Variants in DCAF6 observed in about 807,000 individuals in gnomAD.
DCAF6 encodes the protein DDB1- and CUL4-associated factor 6.
In DCAF6, 54 loss-of-function variants were observed where a neutral mutation model predicts 125.1. That is an observed-to-expected ratio of 0.43 (90% confidence interval 0.35 to 0.54). The LOEUF is 0.54. DCAF6 is among the 20% of genes least tolerant of loss of function. DCAF6 has a pLI of 0.01. For missense variants in DCAF6, 934 were observed against 1,161.7 expected, an observed-to-expected ratio of 0.80 and a Z score of 2.85; for synonymous variants, 371 against 390.4, an observed-to-expected ratio of 0.95 and a Z score of 0.58.
At chr1:168,075,271 C>A in intron 21 of DCAF6, 100 bp from the exon 22 acceptor site, 1 of 1,112,504 alleles carries the variant, frequency 9.0e-7, no homozygotes, top group Admixed American at 3.0e-5. Context: ...TAGTGGTGAA[C>A]TGATTTTTAA....
chr1:167,893,695 CAAAAAAAAAAA>C, the DCAF6 span, among the ~76,000 whole-genome samples: 2,425 of 70,354 alleles, frequency 0.034, 92 homozygotes, highest in African/African-American at 0.11. Flanking sequence ...GACTCTGTCT[CAAAAAAAAAAA>C]AAAAAAAAAA....
intron 12 of DCAF6, among the ~76,000 whole-genome samples, chr1:168,035,642 A>G (rs1288557140): frequency 1.3e-5 from 2 of 152,218 alleles, no homozygotes; most frequent in African/African-American, 4.8e-5. Context: ...CACAAGGCTG[A>G]TGAATTCATT....
At chr1:167,874,575 C>CAAAATTGCACT in the DCAF6 span, among the ~76,000 whole-genome samples, 2 of 85,866 alleles carry the variant, frequency 2.3e-5, no homozygotes, top group East Asian at 5.4e-4. Flanking sequence ...TATTTGGCAC[C>CAAAATTGCACT]CTTTGTCCCA....
chr1:167,907,730 A>G, the DCAF6 span, among the ~76,000 whole-genome samples: 3 of 152,256 alleles, frequency 2.0e-5, no homozygotes, highest in African/African-American at 7.2e-5. Flanking sequence ...ATTATTTCCT[A>G]TTTTGGAAGA....
At chr1:167,973,436 C>T (rs1026448129) in intron 3 of DCAF6, among the ~76,000 whole-genome samples, 3 of 152,144 alleles carry the variant, frequency 2.0e-5, no homozygotes, top group Non-Finnish European at 4.4e-5. Flanking sequence ...CAGTCTTTCC[C>T]CCAGTGGTTT....
At chr1:167,959,875 TA>T (rs1339587491) in intron 2 of DCAF6, among the ~76,000 whole-genome samples, 1 of 152,170 alleles carries the variant, frequency 6.6e-6, no homozygotes, top group Non-Finnish European at 1.5e-5. Flanking sequence ...AAGTCAGTCT[TA>T]TCAATGATTT....
chr1:167,987,969 A>T (rs1407930663), intron 5 of DCAF6, among the ~76,000 whole-genome samples: 9 of 151,868 alleles, frequency 5.9e-5, no homozygotes, highest in Admixed American at 5.9e-4. Flanking sequence ...TTGACTTATC[A>T]AATAGCAGTT....
the DCAF6 span, among the ~76,000 whole-genome samples, chr1:167,923,432 A>G: frequency 6.6e-6 from 1 of 152,198 alleles, no homozygotes. Context: ...GCTAGGGGAA[A>G]TAAGCCAACT....
intron 8 of DCAF6, 32 bp from the exon 9 acceptor site, chr1:168,003,838 T>G: frequency 1.3e-6 from 2 of 1,568,552 alleles, no homozygotes; most frequent in Middle Eastern, 2.4e-4. Flanking sequence ...GACTTATTAC[T>G]AAACTCACTG....
At chr1:168,070,856 C>T (rs1352133158) in intron 21 of DCAF6, among the ~76,000 whole-genome samples, 1 of 152,124 alleles carries the variant, frequency 6.6e-6, no homozygotes, top group Non-Finnish European at 1.5e-5. Flanking sequence ...TCTCCTTTGC[C>T]CACACATGTT....
intron 12 of DCAF6, among the ~76,000 whole-genome samples, chr1:168,030,550 A>C (rs1435398419): frequency 6.6e-6 from 1 of 152,186 alleles, no homozygotes; most frequent in Non-Finnish European, 1.5e-5. Flanking sequence ...TTCTCCTGGT[A>C]ATAGAGATTT....
rs188749482 is a variant in DCAF6 at position 167,989,283 on chromosome 1, T to G, written c.552+1675T>G. Reference sequence around the variant, plus strand: ...GGTACTAAATTTTGTTATTGCAAACTCTCTTAAACTATTTTAGTGTTTCAG... The same window carrying G: ...GGTACTAAATTTTGTTATTGCAAACGCTCTTAAACTATTTTAGTGTTTCAG... On this transcript the variant is annotated intron_variant, in intron 5 of 21. Transcript: ENST00000367840. 3.0e-4 allele frequency among the ~76,000 whole-genome samples: 46 copies of G among 152,286 alleles called. No individual in the cohort carries two copies. In the East Asian group the frequency reaches 8.9e-3, roughly 29 times the overall value.
At chr1:167,925,470 T>TATATATATACAC in the DCAF6 span, among the ~76,000 whole-genome samples, 1 of 107,788 alleles carries the variant, frequency 9.3e-6, no homozygotes, top group East Asian at 2.7e-4. Context: ...TATATATATA[T>TATATATATACAC]ATATACATAT....
At chr1:168,048,855 C>A (rs1014404800) in intron 16 of DCAF6, among the ~76,000 whole-genome samples, 2 of 152,148 alleles carry the variant, frequency 1.3e-5, no homozygotes, top group Non-Finnish European at 1.5e-5. Flanking sequence ...AGGTTCATTT[C>A]AAAAATCGGC....
chr1:167,868,416 A>T, the DCAF6 span, among the ~76,000 whole-genome samples: 1 of 152,182 alleles, frequency 6.6e-6, no homozygotes, highest in African/African-American at 2.4e-5. Context: ...CTGTAGGATG[A>T]CTTAGTTGCC....
chr1:167,875,821 C>T, the DCAF6 span, among the ~76,000 whole-genome samples: 518 of 152,184 alleles, frequency 3.4e-3, no homozygotes, highest in African/African-American at 0.011. Context: ...GGCATGGTGG[C>T]GGTTGCCTGT....
chr1:167,931,025 G>A (rs1213848685), upstream of DCAF6, among the ~76,000 whole-genome samples: 1 of 152,216 alleles, frequency 6.6e-6, no homozygotes, highest in African/African-American at 2.4e-5. Flanking sequence ...TCCATCTTCT[G>A]GGTTCAAGCA....
chr1:168,011,111 ATTTT>A (rs370763073), intron 10 of DCAF6, among the ~76,000 whole-genome samples: 1 of 110,356 alleles, frequency 9.1e-6, no homozygotes, highest in African/African-American at 3.6e-5. Context: ...GACCATCAGA[ATTTT>A]TTTTTTTTTT....
intron 21 of DCAF6, among the ~76,000 whole-genome samples, chr1:168,073,537 G>C (rs896241882): frequency 1.3e-5 from 2 of 152,130 alleles, no homozygotes; most frequent in Non-Finnish European, 2.9e-5. Flanking sequence ...GTGTGCCTCT[G>C]AGTGTAAAAG....
Sources: allele counts gnomAD v4.1 joint callset (sites outside exome capture counted in the v4.1 genomes callset), GRCh38; gene constraint gnomAD v4.1.1; transcripts MANE v1.5; gene names NCBI Gene and HGNC (gene_info 2026-07-23, HGNC 2026-07-21).